Variants in ROBO2 observed in about 807,000 individuals in gnomAD.
The protein encoded by ROBO2 is roundabout guidance receptor 2, also known as roundabout homolog 2.
A neutral mutation model predicts 160.8 loss-of-function variants in ROBO2; 53 were observed. That is an observed-to-expected ratio of 0.33 (90% CI 0.26 to 0.41). The LOEUF is 0.41. Among genes scored for constraint, ROBO2 ranks in the 10% least tolerant of loss-of-function variants. ROBO2 has a pLI of 1.00. For missense variants in ROBO2, 1,577 were observed against 1,722.4 expected (o/e 0.92, Z 1.49); for synonymous variants, 664 against 611.7 (o/e 1.09, Z -1.26).
chr3:77,003,986 A>G lies in ROBO2; in HGVS notation c.110-94028A>G, dbSNP rs545357175. On this transcript the variant is annotated intron_variant, in intron 2 of 26. Coordinates refer to the ROBO2 transcript ENST00000487694. ...TATGAACATGGCAGTCTCAGAATAT[A>G]TAATCAAACTTAAAACATGTTTTTA... Among the ~76,000 whole-genome samples the G allele has an allele frequency of 3.3e-5, 5 of 152,328 alleles. No homozygotes were observed. In the South Asian group the frequency reaches 1.0e-3, roughly 32 times the overall value.
At chr3:76,479,361 G>A (rs1322575657) in intron 2 of ROBO2, among the ~76,000 whole-genome samples, 1 of 152,106 alleles carries the variant, frequency 6.6e-6, no homozygotes, top group Non-Finnish European at 1.5e-5. Flanking sequence ...TAAACTTCAA[G>A]TTCCCTCTGA....
intron 2 of ROBO2, among the ~76,000 whole-genome samples, chr3:76,560,869 G>C (rs1048232603): frequency 6.8e-6 from 1 of 147,976 alleles, no homozygotes; most frequent in Non-Finnish European, 1.5e-5. Flanking sequence ...CATTATGGGG[G>C]TATCATGAGG....
chr3:76,976,337 G>A (rs2059814987), intron 2 of ROBO2, among the ~76,000 whole-genome samples: 1 of 152,120 alleles, frequency 6.6e-6, no homozygotes, highest in South Asian at 2.1e-4. Flanking sequence ...AACCTTTTCA[G>A]ACTGAATAAC....
chr3:77,010,812 T>A (rs2061837886), intron 2 of ROBO2, among the ~76,000 whole-genome samples: 1 of 151,648 alleles, frequency 6.6e-6, no homozygotes, highest in Non-Finnish European at 1.5e-5. Flanking sequence ...AAGGTCTTTT[T>A]CTTTCTCTCC....
At position 77,370,525 on chromosome 3, in the gene ROBO2, G is replaced by A. The variant is rs2071588525; in HGVS notation, c.389-106889G>A. ...TTCTTCCCTGGGCTTGTGGCAGCAG[G>A]TCGAGTGTATTGGGTTATCCAGTGG... is the stretch of plus-strand genomic sequence containing the variant. On this transcript the variant is annotated intron_variant, in intron 2 of 25. Transcript: ENST00000461745. 2.0e-5 allele frequency among the ~76,000 whole-genome samples: 3 copies of A among 152,262 alleles called. No homozygotes were observed. In the South Asian group the frequency reaches 6.2e-4, roughly 32 times the overall value.
intron 2 of ROBO2, among the ~76,000 whole-genome samples, chr3:76,711,827 A>G (rs1463843175): frequency 6.6e-6 from 1 of 152,204 alleles, no homozygotes; most frequent in Non-Finnish European, 1.5e-5. Context: ...TAACAGATTC[A>G]GTTTAAATGT....
chr3:76,798,037 T>A (rs2063829525), intron 2 of ROBO2, among the ~76,000 whole-genome samples: 1 of 149,632 alleles, frequency 6.7e-6, no homozygotes. Context: ...TAGTAGGAAA[T>A]TTTTCCAAAC....
intron 6 of ROBO2, among the ~76,000 whole-genome samples, chr3:77,534,006 A>T (rs1036164766): frequency 6.6e-6 from 1 of 151,916 alleles, no homozygotes; most frequent in Non-Finnish European, 1.5e-5. Flanking sequence ...TTTTTCCCAT[A>T]AAAGGATCAT....
chr3:76,990,706 C>T (rs2060617368), intron 2 of ROBO2, among the ~76,000 whole-genome samples: 1 of 152,106 alleles, frequency 6.6e-6, no homozygotes, highest in Non-Finnish European at 1.5e-5. Context: ...GCAGTCTCCC[C>T]ATATATAGGA....
At chr3:76,329,707 G>A (rs2073335807) in intron 2 of ROBO2, among the ~76,000 whole-genome samples, 1 of 152,174 alleles carries the variant, frequency 6.6e-6, no homozygotes, top group Non-Finnish European at 1.5e-5. Context: ...CAGATTCATG[G>A]TAGACTGTTT....
intron 2 of ROBO2, among the ~76,000 whole-genome samples, chr3:76,761,140 T>C (rs1226332821): frequency 3.3e-5 from 5 of 151,718 alleles, no homozygotes; most frequent in Non-Finnish European, 7.4e-5. Context: ...CACTCTTAAC[T>C]AGGGATCAAT....
At chr3:76,061,046 G>A (rs377374890) in intron 2 of ROBO2, among the ~76,000 whole-genome samples, 2 of 152,094 alleles carry the variant, frequency 1.3e-5, no homozygotes, top group East Asian at 1.9e-4. Context: ...TCCCTGGTAC[G>A]ATTTGCAGCC....
chr3:76,135,760 C>T (rs1289518820), intron 2 of ROBO2, among the ~76,000 whole-genome samples: 3 of 152,110 alleles, frequency 2.0e-5, no homozygotes, highest in African/African-American at 7.2e-5. Context: ...TTCAGAGCAA[C>T]TATGCGCAAT....
At chr3:77,193,448 G>GTTTTTTTTTTTTT (rs552295952) in intron 2 of ROBO2, among the ~76,000 whole-genome samples, 1 of 121,612 alleles carries the variant, frequency 8.2e-6, no homozygotes, top group Non-Finnish European at 1.9e-5. Context: ...GCCCAGCTAA[G>GTTTTTTTTTTTTT]TTTTTTTTTT....
chr3:76,234,157 C>A (rs1704793474), intron 2 of ROBO2, among the ~76,000 whole-genome samples: 1 of 152,198 alleles, frequency 6.6e-6, no homozygotes, highest in Non-Finnish European at 1.5e-5. Flanking sequence ...TGAATTCATT[C>A]TCTTCATGGT....
At chr3:77,177,624 T>C (rs2080283186) in intron 2 of ROBO2, among the ~76,000 whole-genome samples, 1 of 151,986 alleles carries the variant, frequency 6.6e-6, no homozygotes, top group African/African-American at 2.4e-5. Flanking sequence ...TTGCCAAATA[T>C]TTTTATCTGA....
intron 23 of ROBO2, among the ~76,000 whole-genome samples, chr3:77,622,906 G>A (rs2094930562): frequency 6.6e-6 from 1 of 152,126 alleles, no homozygotes; most frequent in Non-Finnish European, 1.5e-5. Flanking sequence ...TTTTTAGAAT[G>A]AAGAAAATGT....
intron 2 of ROBO2, among the ~76,000 whole-genome samples, chr3:77,293,767 A>T (rs1257775936): frequency 4.9e-5 from 7 of 142,614 alleles, no homozygotes; most frequent in Non-Finnish European, 7.5e-5. Context: ...CCCCAGACAT[A>T]AAGTAAAATT....
intron 2 of ROBO2, among the ~76,000 whole-genome samples, chr3:76,959,320 C>T (rs73104474): frequency 0.043 from 6,600 of 152,224 alleles, 190 homozygotes; most frequent in Non-Finnish European, 0.069. Flanking sequence ...GGCCATATTA[C>T]CAACCTATTA....
Sources: gnomAD v4.1 joint callset for allele counts (sites outside exome capture counted in the v4.1 genomes callset) on GRCh38, gnomAD v4.1.1 for gene constraint, MANE v1.5 for transcripts, NCBI Gene and HGNC (gene_info 2026-07-23, HGNC 2026-07-21) for gene names.